The following SLC35F3 variants were observed in gnomAD, a reference collection of about 807,000 sequenced individuals.
SLC35F3 encodes solute carrier family 35 member F3.
Under a neutral mutation model 49.9 loss-of-function variants are expected in SLC35F3, and 25 were observed. The ratio of observed to expected loss-of-function variants is 0.50; its 90% CI spans 0.37 to 0.70. The LOEUF (loss-of-function observed/expected upper bound fraction) is 0.70. SLC35F3 is among the 30% of genes least tolerant of loss of function. The pLI is 0.00. For missense variants in SLC35F3, 525 were observed against 639.8 expected (o/e 0.82, Z 1.94); for synonymous variants, 275 against 265.4 (o/e 1.04, Z -0.35).
In SLC35F3 at chr1:233,905,146, G is replaced by C. The variant is rs1395118139; in HGVS notation, c.53+16G>C. 6.4e-7 allele frequency: 1 copy of C among 1,552,228 alleles called. No homozygotes were observed. Among genetic ancestry groups the C allele is most frequent in the Non-Finnish European group, 8.7e-7 (1 of 1,147,092 alleles). ...GCATTGCCGTGTGAGTAGCGCCCCG[G>C]GCGTGGGTGAGCGAGCCGGCGGGCG... On this transcript the variant is annotated intron_variant, in intron 1 of 7. Coordinates refer to ENST00000366618, the MANE Select transcript of SLC35F3 (RefSeq NM_173508.4).
intron 2 of SLC35F3, among the ~76,000 whole-genome samples, chr1:233,964,646 A>G (rs766993417): frequency 6.6e-6 from 1 of 152,240 alleles, no homozygotes; most frequent in East Asian, 1.9e-4. Context: ...GAGCTAAACA[A>G]TGGGAGAAGT....
chr1:234,137,604 T>C (rs1370177779), intron 2 of SLC35F3, among the ~76,000 whole-genome samples: 1 of 152,128 alleles, frequency 6.6e-6, no homozygotes, highest in Non-Finnish European at 1.5e-5. Context: ...TGAGGATTTG[T>C]CAGGTAAAGG....
intron 2 of SLC35F3, among the ~76,000 whole-genome samples, chr1:234,010,714 G>A (rs976454406): frequency 6.6e-6 from 1 of 151,910 alleles, no homozygotes; most frequent in Non-Finnish European, 1.5e-5. Context: ...TATTTGCTTT[G>A]TATATTTAGG....
In SLC35F3 at chr1:234,234,324, C is replaced by G. The variant is rs548924605; in HGVS notation, c.608+2583C>G. Reference sequence around the variant, plus strand: ...TCAGGAGGCAATCAGATGGAAGCTTCTTTTCTCTAAACCCTCCCCAACTGA... The same window carrying G: ...TCAGGAGGCAATCAGATGGAAGCTTGTTTTCTCTAAACCCTCCCCAACTGA... On this transcript the variant is annotated intron_variant, in intron 3 of 7. Transcript: ENST00000366618. Among the ~76,000 whole-genome samples the G allele has an allele frequency of 1.7e-3, 259 of 152,232 alleles. 1 individual carries two copies. The highest frequency in any genetic ancestry group is 5.7e-3 in the African/African-American group (235 of 41,556).
At chr1:234,294,722 G>C (rs987312108) in intron 3 of SLC35F3, among the ~76,000 whole-genome samples, 1 of 152,194 alleles carries the variant, frequency 6.6e-6, no homozygotes, top group Non-Finnish European at 1.5e-5. Context: ...TGCCACTTTT[G>C]GATTGTGCAC....
intron 2 of SLC35F3, among the ~76,000 whole-genome samples, chr1:234,030,006 A>G (rs938775985): frequency 2.6e-5 from 4 of 152,222 alleles, no homozygotes; most frequent in Non-Finnish European, 4.4e-5. Flanking sequence ...CCTAAAGACT[A>G]ATAATATTCA....
intron 2 of SLC35F3, among the ~76,000 whole-genome samples, chr1:234,098,293 G>A (rs904379784): frequency 6.7e-6 from 1 of 150,090 alleles, no homozygotes; most frequent in Non-Finnish European, 1.5e-5. Flanking sequence ...TTCAGATGGT[G>A]GTAGTGATGG....
At chr1:234,055,077 A>G (rs1017086994) in intron 2 of SLC35F3, among the ~76,000 whole-genome samples, 4 of 152,108 alleles carry the variant, frequency 2.6e-5, no homozygotes, top group African/African-American at 9.7e-5. Flanking sequence ...TCCCAGTTAG[A>G]CTACTCGGGG....
intron 6 of SLC35F3, among the ~76,000 whole-genome samples, chr1:234,319,297 T>A (rs971636861): frequency 1.3e-5 from 2 of 151,576 alleles, no homozygotes; most frequent in African/African-American, 2.4e-5. Context: ...CAATAAATAC[T>A]ATAGATTATC....
rs114573316 is a variant in SLC35F3, at chr1:234,205,122, A to G, written c.284-26295A>G. Among the ~76,000 whole-genome samples the G allele has an allele frequency of 1.8e-3, 280 of 152,288 alleles. 3 individuals carry two copies. The highest frequency in any genetic ancestry group is 6.3e-3 in the African/African-American group (261 of 41,556). On this transcript the variant is annotated intron_variant, in intron 2 of 7. Transcript: ENST00000366618. Reference sequence around the variant, plus strand: ...CACAATTATTTCTTTGGAGCACTTTATATTTTTTTGGCCAATAGGGTCATT... The same window carrying G: ...CACAATTATTTCTTTGGAGCACTTTGTATTTTTTTGGCCAATAGGGTCATT...
At chr1:234,255,404 G>A (rs540569114) in intron 3 of SLC35F3, among the ~76,000 whole-genome samples, 63 of 152,310 alleles carry the variant, frequency 4.1e-4, no homozygotes, top group African/African-American at 1.5e-3. Flanking sequence ...CATTGCTGGG[G>A]AAATGCAAAA....
intron 2 of SLC35F3, among the ~76,000 whole-genome samples, chr1:234,126,616 TACC>T (rs1665652035): frequency 6.6e-6 from 1 of 152,216 alleles, no homozygotes; most frequent in Admixed American, 6.5e-5. Context: ...ATCTTCTTCC[TACC>T]ACATCACCTG....
In SLC35F3 at chr1:234,139,970, A is replaced by AAAAT. The variant is rs1558239978; in HGVS notation, c.284-91443_284-91440dup. ...TCAAAATAATAAAATAAAATAAAAT[A>AAAAT]AAATAAAATAAAATAAAATAAAATA... On this transcript the variant is annotated intron_variant, in intron 2 of 7. Coordinates refer to ENST00000366618, the MANE Select transcript of SLC35F3 (RefSeq NM_173508.4). 1.1e-3 allele frequency among the ~76,000 whole-genome samples: 146 copies of AAAAT among 135,198 alleles called. 1 individual carries two copies. The highest frequency in any genetic ancestry group is 3.9e-3 in the African/African-American group (140 of 36,000). 88.7% of individuals were successfully genotyped at this position (135,198 alleles called of 152,430 possible). A position where few individuals can be genotyped will look rare whatever the true frequency, so the allele number is the denominator to read the frequency against.
chr1:234,186,604 G>A (rs183816305), intron 2 of SLC35F3, among the ~76,000 whole-genome samples: 46 of 152,322 alleles, frequency 3.0e-4, no homozygotes, highest in African/African-American at 1.1e-3. Context: ...GTGGTAGGTG[G>A]AGAGGGAGCA....
chr1:234,303,301 C>T (rs1297401512), intron 3 of SLC35F3, among the ~76,000 whole-genome samples: 2 of 152,216 alleles, frequency 1.3e-5, no homozygotes, highest in Non-Finnish European at 2.9e-5. Flanking sequence ...CCTAAACGTT[C>T]TGCCACCTCA....
At chr1:233,999,137 C>A (rs1488103375) in intron 2 of SLC35F3, among the ~76,000 whole-genome samples, 1 of 152,184 alleles carries the variant, frequency 6.6e-6, no homozygotes, top group East Asian at 1.9e-4. Context: ...CAAGACAGGA[C>A]AGATGCAACC....
At chr1:233,924,812 C>T (rs961163607) in intron 2 of SLC35F3, among the ~76,000 whole-genome samples, 7 of 152,172 alleles carry the variant, frequency 4.6e-5, no homozygotes, top group Admixed American at 1.3e-4. Flanking sequence ...AAATGTGTCC[C>T]AGAGATTCTG....
chr1:234,134,362 G>A (rs1665778844), intron 2 of SLC35F3, among the ~76,000 whole-genome samples: 1 of 148,418 alleles, frequency 6.7e-6, no homozygotes, highest in South Asian at 2.1e-4. Context: ...CTTTATGTGT[G>A]TATATAAATA....
At chr1:234,264,716 C>G (rs567990342) in intron 3 of SLC35F3, among the ~76,000 whole-genome samples, 1 of 152,206 alleles carries the variant, frequency 6.6e-6, no homozygotes, top group Admixed American at 6.5e-5. Flanking sequence ...ATCATGCCTG[C>G]TAATTTCTAA....
Sources: allele counts gnomAD v4.1 joint callset (sites outside exome capture counted in the v4.1 genomes callset), GRCh38; gene constraint gnomAD v4.1.1; transcripts MANE v1.5; gene names NCBI Gene and HGNC (gene_info 2026-07-23, HGNC 2026-07-21).